INTS7: variants seen among roughly 807,000 people sequenced by gnomAD.
INTS7 encodes integrator complex subunit 7, also known as chromosome 1 open reading frame 73.
In INTS7, 46 loss-of-function variants were observed where a neutral mutation model predicts 109.2. The ratio of observed to expected loss-of-function variants is 0.42; its 90% confidence interval spans 0.33 to 0.54. The LOEUF is 0.54. INTS7 is among the 20% of genes least tolerant of loss of function. The probability of loss-of-function intolerance (pLI) is 0.07; values close to 1 mark genes in which losing one functional copy is unlikely to be tolerated. For synonymous variants in INTS7, 412 were observed against 402.9 expected (o/e 1.02, Z -0.27); for missense variants, 929 against 1,132.4 (o/e 0.82, Z 2.58).
At chr1:212,007,782 T>C (rs1031234449) in intron 5 of INTS7, among the ~76,000 whole-genome samples, 4 of 152,194 alleles carry the variant, frequency 2.6e-5, no homozygotes, top group Non-Finnish European at 4.4e-5. Flanking sequence ...TACATATATA[T>C]ACACAAACAC....
intron 7 of INTS7, among the ~76,000 whole-genome samples, chr1:212,003,124 A>G (rs181203770): frequency 1.3e-5 from 2 of 152,254 alleles, no homozygotes; most frequent in East Asian, 3.9e-4. Flanking sequence ...AAAAGGTGAG[A>G]AAAAGAGACA....
At chr1:212,015,020 G>A (rs544165598) in intron 4 of INTS7, among the ~76,000 whole-genome samples, 39 of 151,696 alleles carry the variant, frequency 2.6e-4, no homozygotes, top group Admixed American at 1.7e-3. Flanking sequence ...GAGCCCTTCC[G>A]CCTGGCAGCC....
intron 16 of INTS7, among the ~76,000 whole-genome samples, chr1:211,953,280 GA>G (rs1337246730): frequency 6.6e-6 from 1 of 152,158 alleles, no homozygotes; most frequent in Non-Finnish European, 1.5e-5. Context: ...AGCGTGCTGG[GA>G]TAAGTTTAAC....
chr1:211,956,950 G>T lies in INTS7; in HGVS notation c.2184-4249C>A, dbSNP rs749397702. ...TCTCTTCGGTAGAACAGTAGGAATAGAATTGGTGGTCATATGATAAATTTA... is the reference window on the plus strand; with the variant it reads ...TCTCTTCGGTAGAACAGTAGGAATATAATTGGTGGTCATATGATAAATTTA... On this transcript the variant is annotated intron_variant, in intron 16 of 19. Coordinates refer to ENST00000366994, the MANE Select transcript of INTS7 (RefSeq NM_015434.4). Among the ~76,000 whole-genome samples, 5 of 152,200 alleles carry T rather than the reference G, an allele frequency of 3.3e-5. No individual in the cohort carries two copies. In the South Asian group the frequency reaches 1.0e-3, roughly 32 times the overall value.
intron 4 of INTS7, among the ~76,000 whole-genome samples, chr1:212,015,549 A>G (rs931257262): frequency 7.2e-5 from 11 of 151,902 alleles, no homozygotes; most frequent in African/African-American, 2.4e-4. Context: ...AATCTCAAGT[A>G]CCCAGGGACA....
chr1:211,977,369 C>G (rs1183024714), intron 11 of INTS7, among the ~76,000 whole-genome samples: 1 of 151,984 alleles, frequency 6.6e-6, no homozygotes, highest in Admixed American at 6.6e-5. Context: ...GTAGTACTCA[C>G]AAAAAAGATA....
rs143560924 is a variant in INTS7, at chr1:212,004,525, G to A, written c.879+2114C>T. The stretch of plus-strand genomic sequence containing the variant: ...ACTAGGGCAAGAGACACATTTAAGG[G>A]ACCTAAAATAAGTGGAAAGATATAA... On this transcript the variant is annotated intron_variant, in intron 7 of 19. Coordinates refer to ENST00000366994, the MANE Select transcript of INTS7 (RefSeq NM_015434.4). 5.8e-4 allele frequency among the ~76,000 whole-genome samples: 88 copies of A among 152,220 alleles called. No homozygotes were observed. The South Asian group carries it at 7.7e-3, about 13-fold the overall frequency.
intron 1 of INTS7, among the ~76,000 whole-genome samples, chr1:212,028,557 T>C (rs2102502971): frequency 6.6e-6 from 1 of 152,284 alleles, no homozygotes; most frequent in South Asian, 2.1e-4. Flanking sequence ...ACCTTGGATG[T>C]GAATTTAAAG....
At chr1:211,964,941 C>T (rs1663805198) in intron 16 of INTS7, among the ~76,000 whole-genome samples, 1 of 152,016 alleles carries the variant, frequency 6.6e-6, no homozygotes, top group African/African-American at 2.4e-5. Flanking sequence ...GCAACAAAAG[C>T]AAAAATTGAC....
intron 1 of INTS7, among the ~76,000 whole-genome samples, chr1:212,030,529 T>C (rs1298325113): frequency 6.6e-6 from 1 of 152,136 alleles, no homozygotes; most frequent in Non-Finnish European, 1.5e-5. Context: ...CCTCAGGTGA[T>C]CCGCCCGCCT....
At chr1:211,960,638 C>T (rs892718995) in intron 16 of INTS7, among the ~76,000 whole-genome samples, 2 of 152,086 alleles carry the variant, frequency 1.3e-5, no homozygotes, top group African/African-American at 4.8e-5. Flanking sequence ...AGTAGAAAAA[C>T]AAACTGCAAT....
chr1:211,960,012 C>A (rs1209749221), intron 16 of INTS7, among the ~76,000 whole-genome samples: 3 of 152,214 alleles, frequency 2.0e-5, no homozygotes, highest in Non-Finnish European at 4.4e-5. Context: ...GAGGATGGAT[C>A]CTGCTGCCAA....
chr1:212,030,241 T>C (rs1176075442), intron 1 of INTS7, among the ~76,000 whole-genome samples: 1 of 152,120 alleles, frequency 6.6e-6, no homozygotes, highest in Admixed American at 6.5e-5. Flanking sequence ...GTTTTTATGT[T>C]GCATTAAGTT....
In INTS7 at chr1:211,941,691, G is replaced by C; in HGVS notation, c.*133C>G. On this transcript the variant is annotated 3_prime_UTR_variant, in exon 20 of 20. Transcript: ENST00000366994. The stretch of plus-strand genomic sequence containing the variant: ...TTTTAAGAAAACAAAATTTTTTCCA[G>C]AATATTACATTACAAAAATCAATGA... The C allele has an allele frequency of 1.5e-6, 2 of 1,373,348 alleles. No individual in the cohort carries two copies. Among genetic ancestry groups the C allele is most frequent in the Non-Finnish European group, 9.8e-7 (1 of 1,022,734 alleles). The allele number at this position is 1,373,348 out of a possible 1,614,324, so 85.1% of individuals were successfully genotyped here.
chr1:211,942,748 G>C lies in INTS7; in HGVS notation c.2602-637C>G, dbSNP rs1003854869. ...ATATGTTATAAAACACAGATTTATA[G>C]GCTCATTCATTTAGCCAGACACTCA... On this transcript the variant is annotated intron_variant, in intron 19 of 19. Coordinates refer to ENST00000366994, the MANE Select transcript of INTS7 (RefSeq NM_015434.4). This position sits in a 1 kb window ranked among gnomAD's most constrained non-coding sequence, Gnocchi z 4.2. Among the ~76,000 whole-genome samples, 1 of 152,092 alleles carries C rather than the reference G, an allele frequency of 6.6e-6. No homozygotes were observed. The highest frequency in any genetic ancestry group is 6.5e-5 in the Admixed American group (1 of 15,274).
At chr1:212,007,863 C>G (rs1253692732) in intron 5 of INTS7, among the ~76,000 whole-genome samples, 3 of 152,122 alleles carry the variant, frequency 2.0e-5, no homozygotes, top group Non-Finnish European at 2.9e-5. Flanking sequence ...AAATCATAAT[C>G]AGGATGTGAA....
In INTS7 at chr1:211,968,563, C is replaced by T. The variant is rs199988483; in HGVS notation, c.1960G>A (p.Ala654Thr). 139 of 1,613,958 alleles carry T rather than the reference C, an allele frequency of 8.6e-5. No individual in the cohort carries two copies. The highest frequency in any genetic ancestry group is 1.6e-4 in the Middle Eastern group (1 of 6,084). Reference sequence around the variant, plus strand: ...TGGAGGTCATTTCCTAAGGTCATGGCAATTGTTGTGGCAATTGCAGGTGGT... The same window carrying T: ...TGGAGGTCATTTCCTAAGGTCATGGTAATTGTTGTGGCAATTGCAGGTGGT... ...SPPPAIATTI[A>T]MTLGNDLQRC... The change falls in exon 14 of 20, where the codon GCC becomes ACC. Residue 654 changes from alanine (A) to threonine (T), a missense_variant. Ala to Thr is a moderately conservative substitution (Grantham distance 58, BLOSUM62 0). Around this residue, in one of 2 missense-constraint regions of INTS7, gnomAD observed 787 missense variants for 901.1 expected, o/e 0.87. Transcript: ENST00000366994.
chr1:212,034,356 GAA>G (rs1667321355), intron 1 of INTS7, among the ~76,000 whole-genome samples: 1 of 152,038 alleles, frequency 6.6e-6, no homozygotes, highest in African/African-American at 2.4e-5. Context: ...AAAATAAACA[GAA>G]AAAGAGTCCC....
chr1:212,011,617 G>C, intron 4 of INTS7, 196 bp from the exon 5 acceptor site: 1 of 569,378 alleles, frequency 1.8e-6, no homozygotes, highest in Non-Finnish European at 3.2e-6. Context: ...CACCAAATGG[G>C]CTATGCCAAC....
Sources: allele counts gnomAD v4.1 joint callset (sites outside exome capture counted in the v4.1 genomes callset), GRCh38; gene constraint gnomAD v4.1.1; regional missense constraint gnomAD v4.1.1; non-coding constraint Gnocchi (gnomAD v3.1); transcripts MANE v1.5; gene names NCBI Gene and HGNC (gene_info 2026-07-23, HGNC 2026-07-21).